Variants in AEBP2 observed in about 807,000 individuals in gnomAD.
The protein encoded by AEBP2 is AE binding protein 2.
AEBP2 carries 10 observed loss-of-function variants against 50.8 expected under a neutral mutation model. The observed-to-expected ratio is 0.20, with a 90% CI of 0.12 to 0.33. AEBP2 has a LOEUF of 0.33. AEBP2 is among the 10% of genes least tolerant of loss of function. The pLI, the probability that AEBP2 is intolerant of heterozygous loss-of-function variation, is 1.00. For missense variants in AEBP2, 570 were observed against 688.0 expected (o/e 0.83, Z 1.92); for synonymous variants, 296 against 261.3 (o/e 1.13, Z -1.28).
At chr12:19,420,540 G>A (rs2095745103) in intron 1 of AEBP2, among the ~76,000 whole-genome samples, 1 of 151,388 alleles carries the variant, frequency 6.6e-6, no homozygotes, top group Non-Finnish European at 1.5e-5. Flanking sequence ...TGCTGTGTTG[G>A]CCAGGCTGGT....
At chr12:19,492,946 A>T (rs1948917127) in intron 3 of AEBP2, among the ~76,000 whole-genome samples, 1 of 152,188 alleles carries the variant, frequency 6.6e-6, no homozygotes, top group Admixed American at 6.5e-5. Flanking sequence ...ACTGCACTTC[A>T]GCCTGGGTGA....
chr12:19,487,961 A>T (rs982037882), intron 3 of AEBP2, among the ~76,000 whole-genome samples: 2 of 152,132 alleles, frequency 1.3e-5, no homozygotes, highest in African/African-American at 4.8e-5. Context: ...GTCAGAAAGA[A>T]TTATAGCAAA....
chr12:19,418,863 A>T (rs570161210), intron 1 of AEBP2: 1 of 152,586 alleles, frequency 6.6e-6, no homozygotes, highest in Non-Finnish European at 1.5e-5. Context: ...GCAGTGAGCC[A>T]TGATAGTGCC....
chr12:19,451,847 G>T (rs1307219175), intron 1 of AEBP2, among the ~76,000 whole-genome samples: 1 of 152,088 alleles, frequency 6.6e-6, no homozygotes, highest in Non-Finnish European at 1.5e-5. Flanking sequence ...GACTACAGTT[G>T]TGCATCACTG....
chr12:19,453,093 C>G (rs546336701), intron 1 of AEBP2, among the ~76,000 whole-genome samples: 5 of 151,284 alleles, frequency 3.3e-5, no homozygotes, highest in South Asian at 4.2e-4. Context: ...CTCAGCCTCC[C>G]GAGTAGCTGG....
upstream of AEBP2, among the ~76,000 whole-genome samples, chr12:19,437,097 C>G (rs1272687952): frequency 6.6e-6 from 1 of 152,212 alleles, no homozygotes; most frequent in Non-Finnish European, 1.5e-5. Flanking sequence ...GACTCTCATT[C>G]CAGAGAAGTC....
At position 19,440,534 on chromosome 12, in the gene AEBP2, CCT is replaced by C. The variant is rs936597636; in HGVS notation, c.671+168_671+169del. The C allele has an allele frequency of 3.8e-5, 52 of 1,380,600 alleles. No individual in the cohort carries two copies. In the African/African-American group the frequency reaches 6.6e-4, roughly 17 times the overall value. 85.5% of individuals were successfully genotyped at this position (1,380,600 alleles called of 1,614,324 possible). A position where few individuals can be genotyped will look rare whatever the true frequency, so the allele number is the denominator to read the frequency against. ...AATCTCTCGCCGTCGCCGCCGCGCCCCTCTCGCAGCGCATCGCGGCTTCCAAC... is the reference window on the plus strand; with the variant it reads ...AATCTCTCGCCGTCGCCGCCGCGCCCCTCGCAGCGCATCGCGGCTTCCAAC... On this transcript the variant is annotated intron_variant, in intron 1 of 7. Coordinates refer to ENST00000266508, the MANE Select transcript of AEBP2 (RefSeq NM_153207.5).
At chr12:19,427,914 T>G (rs186544625) in intron 1 of AEBP2, among the ~76,000 whole-genome samples, 1 of 152,144 alleles carries the variant, frequency 6.6e-6, no homozygotes, top group African/African-American at 2.4e-5. Flanking sequence ...GATTTTTTTT[T>G]TCTTTTTTCT....
intron 1 of AEBP2, among the ~76,000 whole-genome samples, chr12:19,446,769 A>G (rs1487541713): frequency 6.6e-6 from 1 of 150,928 alleles, no homozygotes; most frequent in Non-Finnish European, 1.5e-5. Flanking sequence ...TCTACAAAAA[A>G]TGAAAAAATT....
At chr12:19,506,859 G>A (rs775481003) in intron 5 of AEBP2, among the ~76,000 whole-genome samples, 8 of 152,140 alleles carry the variant, frequency 5.3e-5, no homozygotes, top group Non-Finnish European at 1.2e-4. Context: ...TGAGATACTG[G>A]GTTTTAGAAT....
At chr12:19,514,524 A>G in intron 6 of AEBP2, 147 bp from the exon 7 acceptor site, 1 of 557,370 alleles carries the variant, frequency 1.8e-6, no homozygotes, top group Non-Finnish European at 3.1e-6. Context: ...ATTAAGGTTG[A>G]TAGCTGAGCT....
intron 2 of AEBP2, 51 bp from the exon 3 acceptor site, chr12:19,473,195 ACT>A (rs1948596239): frequency 7.1e-6 from 6 of 842,810 alleles, no homozygotes; most frequent in Non-Finnish European, 8.3e-6. Flanking sequence ...GAGGAATCAA[ACT>A]CTTCTTGAGA....
At chr12:19,456,459 T>C in intron 1 of AEBP2, 2 of 1,451,244 alleles carry the variant, frequency 1.4e-6, no homozygotes, top group Non-Finnish European at 1.9e-6. Flanking sequence ...GTTCAAGAAG[T>C]TAGGGCCATC....
At chr12:19,456,431 G>T in intron 1 of AEBP2, 2 of 1,404,848 alleles carry the variant, frequency 1.4e-6, no homozygotes, top group Non-Finnish European at 2.0e-6. Context: ...CCATATCAAC[G>T]TTGGCAGCAT....
chr12:19,490,833 C>A (rs1948886254), intron 3 of AEBP2, among the ~76,000 whole-genome samples: 1 of 152,146 alleles, frequency 6.6e-6, no homozygotes, highest in African/African-American at 2.4e-5. Flanking sequence ...GATACCACTT[C>A]ACACTCACTA....
intron 3 of AEBP2, among the ~76,000 whole-genome samples, chr12:19,493,199 C>A (rs1377911940): frequency 6.6e-6 from 1 of 152,050 alleles, no homozygotes; most frequent in African/African-American, 2.4e-5. Context: ...GCCAGGAGTT[C>A]GAGACCAGCC....
In AEBP2 at chr12:19,518,560, T is replaced by G; in HGVS notation, c.*443T>G. 7.5e-7 allele frequency: 1 copy of G among 1,330,006 alleles called. No individual in the cohort carries two copies. The highest frequency in any genetic ancestry group is 9.8e-7 in the Non-Finnish European group (1 of 1,024,486). 82.4% of individuals were successfully genotyped at this position (1,330,006 alleles called of 1,614,324 possible). A position where few individuals can be genotyped will look rare whatever the true frequency, so the allele number is the denominator to read the frequency against. ...TAAGGATATTTGTCTTGACAGTGTT[T>G]ATTGATTTGAAGTCATATTAGGAAA... is the stretch of plus-strand genomic sequence containing the variant. On this transcript the variant is annotated 3_prime_UTR_variant, in exon 8 of 8. Coordinates refer to ENST00000266508, the MANE Select transcript of AEBP2 (RefSeq NM_153207.5).
intron 1 of AEBP2, among the ~76,000 whole-genome samples, chr12:19,410,268 G>A (rs1230564925): frequency 1.3e-5 from 2 of 152,152 alleles, no homozygotes; most frequent in African/African-American, 2.4e-5. Context: ...AAACCAGCAC[G>A]TGCTCCCACT....
chr12:19,513,219 A>G (rs1176421705), intron 6 of AEBP2, among the ~76,000 whole-genome samples: 1 of 152,146 alleles, frequency 6.6e-6, no homozygotes, highest in Non-Finnish European at 1.5e-5. Context: ...GTGCACAGTG[A>G]ATGGTATTTT....
Sources: allele counts gnomAD v4.1 joint callset (sites outside exome capture counted in the v4.1 genomes callset), GRCh38; gene constraint gnomAD v4.1.1; transcripts MANE v1.5; gene names NCBI Gene and HGNC (gene_info 2026-07-23, HGNC 2026-07-21).